FBLN1: variants seen among roughly 807,000 people sequenced by gnomAD.
The protein encoded by FBLN1 is fibulin-1.
A neutral mutation model predicts 89.7 loss-of-function variants in FBLN1; 34 were observed. The ratio of observed to expected loss-of-function variants is 0.38; its 90% CI spans 0.29 to 0.50. The LOEUF (loss-of-function observed/expected upper bound fraction) is 0.50, where lower values mean the gene tolerates loss of function less well. FBLN1 is among the 20% of genes least tolerant of loss of function. The probability of loss-of-function intolerance (pLI) is 0.92; values close to 1 mark genes in which losing one functional copy is unlikely to be tolerated. For synonymous variants in FBLN1, 393 were observed against 391.3 expected (o/e 1.00, Z -0.05); for missense variants, 777 against 988.1 (o/e 0.79, Z 2.86).
chr22:45,533,638 T>A lies in FBLN1; in HGVS notation c.647-123T>A, dbSNP rs770617834. 2.7e-4 allele frequency: 300 copies of A among 1,109,062 alleles called. 2 individuals are homozygous for A. Among genetic ancestry groups the A allele is most frequent in the Non-Finnish European group, 4.0e-4 (294 of 736,384 alleles). The allele number at this position is 1,109,062 out of a possible 1,614,324, so 68.7% of individuals were successfully genotyped here. ...AGCCCGGATGTGCACATGGTGGACCTGAGCTCAGTTTGCGAGGGTGCAGGG... is the reference window on the plus strand; with the variant it reads ...AGCCCGGATGTGCACATGGTGGACCAGAGCTCAGTTTGCGAGGGTGCAGGG... On this transcript the variant is annotated intron_variant, in intron 6 of 16. Transcript: ENST00000327858.
chr22:45,538,978 G>A (rs1412716954), intron 8 of FBLN1, among the ~76,000 whole-genome samples: 1 of 152,058 alleles, frequency 6.6e-6, no homozygotes, highest in East Asian at 1.9e-4. Flanking sequence ...TTGGGTCACC[G>A]AGGGCTTTGA....
At chr22:45,560,452 C>A (rs2088837944) in intron 14 of FBLN1, among the ~76,000 whole-genome samples, 1 of 152,212 alleles carries the variant, frequency 6.6e-6, no homozygotes, top group South Asian at 2.1e-4. Context: ...CTCCCTAAGT[C>A]TTTGGATTCC....
At chr22:45,528,356 T>G (rs889744182) in intron 4 of FBLN1, among the ~76,000 whole-genome samples, 42 of 152,150 alleles carry the variant, frequency 2.8e-4, no homozygotes, top group African/African-American at 9.2e-4. Context: ...CTTTTTTTTT[T>G]TGAGACAGAA....
intron 1 of FBLN1, among the ~76,000 whole-genome samples, chr22:45,506,718 A>G (rs1569230573): frequency 6.6e-6 from 1 of 152,156 alleles, no homozygotes; most frequent in African/African-American, 2.4e-5. Context: ...ACCCACTTCC[A>G]GTTCCTTCCA....
chr22:45,538,820 C>T (rs1261082603), intron 8 of FBLN1, among the ~76,000 whole-genome samples: 1 of 152,090 alleles, frequency 6.6e-6, no homozygotes, highest in Non-Finnish European at 1.5e-5. Flanking sequence ...CTCCTAGAAC[C>T]ATCCTGGGGC....
At chr22:45,505,567 G>A (rs2088008223) in intron 1 of FBLN1, among the ~76,000 whole-genome samples, 1 of 152,216 alleles carries the variant, frequency 6.6e-6, no homozygotes, top group East Asian at 1.9e-4. Context: ...GTAGGGGCAC[G>A]CGGCTGACTC....
Position 45,574,518 on chromosome 22 carries a change from C to A in FBLN1, c.1705C>A (p.Gln569Lys). 1 of 1,614,174 alleles carries A rather than the reference C, an allele frequency of 6.2e-7. No homozygotes were observed. Among genetic ancestry groups the A allele is most frequent in the African/African-American group, 1.3e-5 (1 of 75,060 alleles). The change falls in exon 15 of 17, where the codon CAG becomes AAG. Residue 569 changes from glutamine (Q) to lysine (K), a missense_variant. Gln to Lys is a moderately conservative substitution (Grantham distance 53). Coordinates refer to ENST00000327858, the MANE Select transcript of FBLN1 (RefSeq NM_006486.3). This position sits in a 1 kb window ranked among gnomAD's most constrained non-coding sequence, Gnocchi z 4.1. Reference sequence around the variant, plus strand: ...TGCTGTGGTTCCCCTCAGGCTCCAGCAGGAGAAGACAGACACGGTCCGCTG... The same window carrying A: ...TGCTGTGGTTCCCCTCAGGCTCCAGAAGGAGAAGACAGACACGGTCCGCTG... ...NYRRSAATLQ[Q>K]EKTDTVRCIK...
At chr22:45,539,057 C>T (rs2088519242) in intron 8 of FBLN1, among the ~76,000 whole-genome samples, 1 of 150,512 alleles carries the variant, frequency 6.6e-6, no homozygotes. Context: ...TGCTGTATTC[C>T]TTTCTCCTTC....
rs754317939 is a variant in FBLN1, at chr22:45,535,291, A to G, written c.876A>G (p.Leu292=). ...GATCCTTCCGCTGCCGACCCAAGCT[A>G]CAGTGCAAGAGTGGCTTTATACAAG... ...TLGSFRCRPK[L]QCKSGFIQDA... The change falls in exon 8 of 17, where the codon CTA becomes CTG. Residue 292 remains leucine (L), a synonymous_variant. Coordinates refer to ENST00000327858, the MANE Select transcript of FBLN1 (RefSeq NM_006486.3). The G allele has an allele frequency of 5.6e-6, 9 of 1,614,114 alleles. No homozygotes were observed. The highest frequency in any genetic ancestry group is 7.6e-6 in the Non-Finnish European group (9 of 1,179,964).
At chr22:45,585,819 T>C (rs1166343461) in intron 16 of FBLN1, among the ~76,000 whole-genome samples, 2 of 152,118 alleles carry the variant, frequency 1.3e-5, no homozygotes, top group Non-Finnish European at 2.9e-5. Context: ...CGTGACCCCA[T>C]GGGGCAGAGA....
intron 6 of FBLN1, 27 bp from the exon 7 acceptor site, chr22:45,533,734 C>G (rs16994211): frequency 1.9e-6 from 3 of 1,606,592 alleles, no homozygotes; most frequent in Non-Finnish European, 1.7e-6. Flanking sequence ...TTGCTGGTCA[C>G]CCCCGCACTG....
chr22:45,538,372 G>A (rs2088510166), intron 8 of FBLN1, among the ~76,000 whole-genome samples: 1 of 152,244 alleles, frequency 6.6e-6, no homozygotes, highest in Admixed American at 6.5e-5. Flanking sequence ...AGTGTAGGAA[G>A]TAAACGCTCC....
chr22:45,529,939 G>A (rs1009952989), intron 4 of FBLN1, among the ~76,000 whole-genome samples: 53 of 152,312 alleles, frequency 3.5e-4, no homozygotes, highest in African/African-American at 1.3e-3. Flanking sequence ...CCTCAGACCT[G>A]TAGTCTCTAA....
intron 1 of FBLN1, among the ~76,000 whole-genome samples, chr22:45,517,165 A>G (rs1308907351): frequency 3.9e-5 from 6 of 152,186 alleles, no homozygotes; most frequent in Non-Finnish European, 5.9e-5. Flanking sequence ...GGGCACCCAC[A>G]GTTGTGTGTG....
At chr22:45,567,223 C>T (rs766511200) in intron 14 of FBLN1, among the ~76,000 whole-genome samples, 7 of 152,228 alleles carry the variant, frequency 4.6e-5, no homozygotes, top group Admixed American at 6.5e-5. Flanking sequence ...TCACAGAGCC[C>T]GCTCTGCCAT....
At chr22:45,598,598 G>A (rs568195621) in intron 16 of FBLN1, among the ~76,000 whole-genome samples, 19 of 152,164 alleles carry the variant, frequency 1.2e-4, no homozygotes, top group African/African-American at 4.3e-4. Context: ...CTCCATTCTC[G>A]CCCCCGCTGG....
chr22:45,540,129 A>G (rs1184056212), intron 8 of FBLN1, among the ~76,000 whole-genome samples: 2 of 152,210 alleles, frequency 1.3e-5, no homozygotes, highest in African/African-American at 4.8e-5. Flanking sequence ...ACCAAGGGCC[A>G]TCATTTGCTG....
chr22:45,546,153 C>T lies in FBLN1; in HGVS notation c.1322-932C>T, dbSNP rs1268040399. 2.7e-5 allele frequency among the ~76,000 whole-genome samples: 4 copies of T among 147,404 alleles called. No individual in the cohort carries two copies. The South Asian group carries it at 8.7e-4, about 32-fold the overall frequency. ...GAGATTGAGCTACTTGTACTCCAGC[C>T]TGGGCGACAGACAAAGACTTTGTCT... On this transcript the variant is annotated intron_variant, in intron 11 of 16. Transcript: ENST00000327858.
At chr22:45,535,479 C>A in intron 8 of FBLN1, 142 bp downstream of exon 8, 2 of 859,010 alleles carry the variant, frequency 2.3e-6, no homozygotes, top group Non-Finnish European at 1.9e-6. Context: ...GGCTGGACAG[C>A]AAATAGAGCA....
Sources: allele counts gnomAD v4.1 joint callset (sites outside exome capture counted in the v4.1 genomes callset), GRCh38; gene constraint gnomAD v4.1.1; non-coding constraint Gnocchi (gnomAD v3.1); transcripts MANE v1.5; gene names NCBI Gene and HGNC (gene_info 2026-07-23, HGNC 2026-07-21).